The following LMBRD1 variants were observed in gnomAD, a reference collection of about 807,000 sequenced individuals.
LMBRD1 encodes lysosomal cobalamin transport escort protein LMBD1.
In LMBRD1, 64 loss-of-function variants were observed where a neutral mutation model predicts 74.8. The observed-to-expected ratio is 0.86, with a 90% CI of 0.70 to 1.05. The LOEUF is 1.05. LMBRD1 is among the 50% of genes least tolerant of loss of function. The pLI, the probability that LMBRD1 is intolerant of heterozygous loss-of-function variation, is 0.00. For synonymous variants in LMBRD1, 204 were observed against 216.3 expected (o/e 0.94, Z 0.50); for missense variants, 652 against 645.9 (o/e 1.01, Z -0.10).
chr6:69,676,590 T>C (rs532298436), intron 14 of LMBRD1, 49 bp from the exon 15 acceptor site: 28 of 1,340,306 alleles, frequency 2.1e-5, no homozygotes, highest in South Asian at 5.9e-5. Flanking sequence ...TTTCATAAAA[T>C]TGATGATTAA....
intron 7 of LMBRD1, among the ~76,000 whole-genome samples, chr6:69,719,303 T>A (rs538214674): frequency 6.6e-6 from 1 of 152,248 alleles, no homozygotes; most frequent in Non-Finnish European, 1.5e-5. Context: ...CCTCAAAGGT[T>A]AAGTTGCAAA....
intron 7 of LMBRD1, among the ~76,000 whole-genome samples, chr6:69,721,072 C>T (rs1353933280): frequency 2.0e-5 from 3 of 152,214 alleles, no homozygotes; most frequent in African/African-American, 7.2e-5. Context: ...AGAGGGGAAT[C>T]ACTCATCCCA....
intron 7 of LMBRD1, among the ~76,000 whole-genome samples, chr6:69,729,410 A>G (rs1436668058): frequency 6.6e-6 from 1 of 151,820 alleles, no homozygotes; most frequent in Non-Finnish European, 1.5e-5. Context: ...GGCTGAACAG[A>G]TTTCTAGGCC....
intron 3 of LMBRD1, among the ~76,000 whole-genome samples, chr6:69,760,036 T>C (rs935821701): frequency 1.4e-4 from 22 of 152,334 alleles, no homozygotes; most frequent in African/African-American, 5.1e-4. Context: ...AGAAGGCTTA[T>C]GTTCTTCTAA....
At position 69,695,040 on chromosome 6, in the gene LMBRD1, T is replaced by C. The variant is rs1765963901; in HGVS notation, c.1417+2523A>G. ...CCTACCCTCAGATGTAACTTGTTACTATCTGAGGCCATATCCTTGCTTCCT... is the reference window on the plus strand; with the variant it reads ...CCTACCCTCAGATGTAACTTGTTACCATCTGAGGCCATATCCTTGCTTCCT... On this transcript the variant is annotated intron_variant, in intron 14 of 15. Transcript: ENST00000649934. Among the ~76,000 whole-genome samples, 3 of 152,138 alleles carry C rather than the reference T, an allele frequency of 2.0e-5. No homozygotes were observed. In the South Asian group the frequency reaches 6.2e-4, roughly 31 times the overall value.
At chr6:69,779,021 G>A (rs6919766) in intron 3 of LMBRD1, among the ~76,000 whole-genome samples, 72,643 of 151,308 alleles carry the variant, frequency 0.48, 18,105 homozygotes, top group African/African-American at 0.61. Context: ...CCCTGTCTCT[G>A]CTAAAAATAC....
At chr6:69,702,584 G>C (rs1435306502) in intron 9 of LMBRD1, among the ~76,000 whole-genome samples, 1 of 151,948 alleles carries the variant, frequency 6.6e-6, no homozygotes, top group African/African-American at 2.4e-5. Flanking sequence ...TTATATTAAA[G>C]ATGGTAGAAA....
intron 14 of LMBRD1, among the ~76,000 whole-genome samples, chr6:69,694,953 A>G (rs1480878957): frequency 6.6e-6 from 1 of 152,108 alleles, no homozygotes; most frequent in Non-Finnish European, 1.5e-5. Flanking sequence ...AATTCTCAGT[A>G]TATGTCCTGA....
At chr6:69,780,389 T>G in intron 3 of LMBRD1, 105 bp downstream of exon 3, 2 of 834,464 alleles carry the variant, frequency 2.4e-6, no homozygotes, top group South Asian at 2.7e-5. Context: ...GTCATTTTTT[T>G]CTAATTCGAC....
At chr6:69,706,965 G>T (rs1313027012) in intron 9 of LMBRD1, among the ~76,000 whole-genome samples, 1 of 152,122 alleles carries the variant, frequency 6.6e-6, no homozygotes, top group East Asian at 1.9e-4. Context: ...TCTGCTCGAG[G>T]TCTCACAGGC....
At chr6:69,784,109 A>G (rs1765894680) in intron 2 of LMBRD1, among the ~76,000 whole-genome samples, 1 of 152,244 alleles carries the variant, frequency 6.6e-6, no homozygotes. Context: ...AAGAGAGCTT[A>G]GTTTGTAAAA....
At position 69,796,712 on chromosome 6, in the gene LMBRD1, G is replaced by T. The variant is rs2925798; in HGVS notation, c.69+101C>A. The T allele has an allele frequency of 1.6e-3, 1,708 of 1,096,480 alleles. 2 individuals carry two copies. The highest frequency in any genetic ancestry group is 2.3e-3 in the Admixed American group (115 of 50,864). The allele number at this position is 1,096,480 out of a possible 1,614,324, so 67.9% of individuals were successfully genotyped here. ...CAGTCCAAGCTAAAAGCGGGGCGGG[G>T]CGAAGAGGGTCTCCGGGGCCCGGAG... On this transcript the variant is annotated intron_variant, in intron 1 of 15. Transcript: ENST00000649934.
chr6:69,779,675 G>A (rs989491410), intron 3 of LMBRD1, among the ~76,000 whole-genome samples: 3 of 152,274 alleles, frequency 2.0e-5, no homozygotes, highest in Admixed American at 2.0e-4. Flanking sequence ...TAACTTGACT[G>A]AACTGCTACA....
At chr6:69,745,602 C>T (rs1233356874) in intron 5 of LMBRD1, among the ~76,000 whole-genome samples, 14 of 152,218 alleles carry the variant, frequency 9.2e-5, no homozygotes, top group Non-Finnish European at 1.2e-4. Context: ...GTCTACTTAC[C>T]TGGCTAATGT....
At chr6:69,740,664 G>A (rs944562411) in intron 6 of LMBRD1, among the ~76,000 whole-genome samples, 2 of 152,092 alleles carry the variant, frequency 1.3e-5, no homozygotes, top group African/African-American at 2.4e-5. Context: ...TTTAATCATC[G>A]TTTAGTATTG....
At position 69,743,877 on chromosome 6, in the gene LMBRD1, C is replaced by T. The variant is rs1423767599; in HGVS notation, c.474-2000G>A. Among the ~76,000 whole-genome samples, 7 of 152,134 alleles carry T rather than the reference C, an allele frequency of 4.6e-5. No individual in the cohort carries two copies. The East Asian group carries it at 1.2e-3, about 25-fold the overall frequency. ...AGAAGATCCAGAGGGCAGAGCAGCA[C>T]CTGACTGGTATAAAAGCATGTCAAC... On this transcript the variant is annotated intron_variant, in intron 5 of 15. Transcript: ENST00000649934.
intron 6 of LMBRD1, among the ~76,000 whole-genome samples, chr6:69,740,395 C>T (rs1476264603): frequency 6.6e-6 from 1 of 152,018 alleles, no homozygotes; most frequent in African/African-American, 2.4e-5. Flanking sequence ...CAAAGTATAA[C>T]TTATGAAATA....
chr6:69,690,646 A>C (rs1328469770), intron 14 of LMBRD1, among the ~76,000 whole-genome samples: 1 of 152,192 alleles, frequency 6.6e-6, no homozygotes, highest in African/African-American at 2.4e-5. Context: ...TATGTAATAC[A>C]ATTAAAGGAT....
At chr6:69,752,786 C>G (rs575148641) in intron 3 of LMBRD1, among the ~76,000 whole-genome samples, 2 of 152,120 alleles carry the variant, frequency 1.3e-5, no homozygotes, top group East Asian at 3.9e-4. Flanking sequence ...GTTAAAGAAA[C>G]AGCTATAAAT....
Sources: gnomAD v4.1 joint callset for allele counts (sites outside exome capture counted in the v4.1 genomes callset) on GRCh38, gnomAD v4.1.1 for gene constraint, MANE v1.5 for transcripts, NCBI Gene and HGNC (gene_info 2026-07-23, HGNC 2026-07-21) for gene names.